Variants in SYTL5 observed in about 807,000 individuals in gnomAD.
SYTL5 encodes synaptotagmin like 5, also known as synaptotagmin-like protein 5.
SYTL5 carries 34 observed loss-of-function variants against 55.9 expected under a neutral mutation model. The ratio of observed to expected loss-of-function variants is 0.61; its 90% CI spans 0.46 to 0.81. SYTL5 has a LOEUF of 0.81. Ranked by LOEUF, SYTL5 falls within the 30% of genes least tolerant of loss-of-function variation. The probability of loss-of-function intolerance (pLI) is 0.00; values close to 1 mark genes in which losing one functional copy is unlikely to be tolerated. For missense variants in SYTL5, 637 were observed against 546.7 expected, an observed-to-expected ratio of 1.17 and a Z score of -1.65; for synonymous variants, 221 against 188.7, an observed-to-expected ratio of 1.17 and a Z score of -1.40.
the SYTL5 span, among the ~76,000 whole-genome samples, chrX:37,918,100 C>G: frequency 9.0e-5 from 10 of 111,143 alleles, no homozygotes; most frequent in African/African-American, 3.3e-4. Context: ...TTTTATGGCC[C>G]CAATTGTCTC....
the SYTL5 span, among the ~76,000 whole-genome samples, chrX:37,995,565 G>C: frequency 1.8e-5 from 2 of 112,110 alleles, no homozygotes; most frequent in African/African-American, 6.5e-5. Context: ...TTTCTCCTCT[G>C]TGCATTTGAG....
the SYTL5 span, among the ~76,000 whole-genome samples, chrX:37,915,688 T>G: frequency 1.8e-5 from 2 of 111,889 alleles, no homozygotes; most frequent in African/African-American, 6.5e-5. Flanking sequence ...GTTGCTTACA[T>G]TCATACTTGC....
chrX:38,115,210 C>A (rs868813189), intron 13 of SYTL5, among the ~76,000 whole-genome samples: 1 of 104,974 alleles, frequency 9.5e-6, no homozygotes, highest in Middle Eastern at 5.1e-3. Context: ...TCAGGCCGGG[C>A]GCGGTGGCTC....
the SYTL5 span, among the ~76,000 whole-genome samples, chrX:37,972,796 G>A: frequency 9.0e-6 from 1 of 111,533 alleles, no homozygotes; most frequent in Non-Finnish European, 1.9e-5. Context: ...CTCGAAGCGG[G>A]GGCTTCCAGG....
chrX:38,057,470 G>C (rs1180929878), intron 3 of SYTL5, among the ~76,000 whole-genome samples: 1 of 111,458 alleles, frequency 9.0e-6, no homozygotes, highest in Non-Finnish European at 1.9e-5. Context: ...TTTTGCTCAG[G>C]ACAGCTTTGG....
At chrX:38,029,898 G>A (rs1022797069) in intron 1 of SYTL5, among the ~76,000 whole-genome samples, 1 of 111,686 alleles carries the variant, frequency 9.0e-6, no homozygotes, top group Non-Finnish European at 1.9e-5. Flanking sequence ...AGAAGATTCA[G>A]TAGTTGTAAG....
chrX:38,013,500 G>A (rs1458081015), intron 1 of SYTL5, among the ~76,000 whole-genome samples: 1 of 111,338 alleles, frequency 9.0e-6, no homozygotes, highest in Non-Finnish European at 1.9e-5. Context: ...CACTTTCTGA[G>A]GATTTACCGT....
the SYTL5 span, among the ~76,000 whole-genome samples, chrX:37,902,361 C>G: frequency 8.9e-6 from 1 of 112,042 alleles, no homozygotes; most frequent in African/African-American, 3.2e-5. Context: ...TGTTTAATAT[C>G]TACTGAGGTG....
the SYTL5 span, among the ~76,000 whole-genome samples, chrX:37,997,654 G>T: frequency 4.5e-5 from 5 of 112,323 alleles, no homozygotes; most frequent in Non-Finnish European, 9.4e-5. Context: ...GCCAAGGACA[G>T]CTCAGTGCTG....
intron 2 of SYTL5, among the ~76,000 whole-genome samples, chrX:38,044,452 C>G (rs932111264): frequency 8.9e-6 from 1 of 111,919 alleles, no homozygotes; most frequent in Non-Finnish European, 1.9e-5. Context: ...TTCAGTTATA[C>G]ATTTATAAAA....
At chrX:38,123,790 A>G (rs878958036) in intron 15 of SYTL5, among the ~76,000 whole-genome samples, 1 of 112,275 alleles carries the variant, frequency 8.9e-6, no homozygotes, top group Non-Finnish European at 1.9e-5. Flanking sequence ...ACAAAAGCCA[A>G]TAACTTTCCG....
chrX:38,064,946 A>G (rs1214069040), intron 3 of SYTL5, among the ~76,000 whole-genome samples: 1 of 111,099 alleles, frequency 9.0e-6, no homozygotes, highest in Non-Finnish European at 1.9e-5. Flanking sequence ...ATTTATTTCT[A>G]TTATCATTGT....
rs747098681 is a variant in SYTL5, at chrX:38,033,770, TC to T, written c.-119del. ...CAATTCTGCAGAGACCTTGTAAAAATCACACTTTACACCAAACAACTGAGTG... is the reference window on the plus strand; with the variant it reads ...CAATTCTGCAGAGACCTTGTAAAAATACACTTTACACCAAACAACTGAGTG... On this transcript the variant is annotated 5_prime_UTR_variant, in exon 2 of 17. Coordinates refer to ENST00000297875, the MANE Select transcript of SYTL5 (RefSeq NM_138780.3). The T allele has an allele frequency of 5.3e-5, 22 of 416,816 alleles. No homozygotes were observed. Among genetic ancestry groups the T allele is most frequent in the African/African-American group, 7.4e-5 (3 of 40,565 alleles). 34.4% of individuals were successfully genotyped at this position (416,816 alleles called of 1,213,427 possible).
the SYTL5 span, among the ~76,000 whole-genome samples, chrX:37,903,341 A>G: frequency 9.4e-6 from 1 of 106,612 alleles, no homozygotes; most frequent in Non-Finnish European, 1.9e-5. Context: ...AAAATGTGGC[A>G]CATATACACC....
chrX:38,090,449 GA>G (rs1296870575), intron 7 of SYTL5, among the ~76,000 whole-genome samples: 288 of 111,872 alleles, frequency 2.6e-3, no homozygotes, highest in African/African-American at 8.8e-3. Context: ...AGTATTTGGG[GA>G]AAAATATTCT....
chrX:38,037,833 G>T (rs866055137), intron 2 of SYTL5, among the ~76,000 whole-genome samples: 1 of 105,062 alleles, frequency 9.5e-6, no homozygotes, highest in Non-Finnish European at 2.0e-5. Flanking sequence ...TAGATAGATA[G>T]ATAAAAATAT....
chrX:38,124,297 A>G (rs559045047), intron 15 of SYTL5, among the ~76,000 whole-genome samples: 39 of 112,258 alleles, frequency 3.5e-4, no homozygotes, highest in African/African-American at 1.2e-3. Context: ...TCAAATAAAA[A>G]CACAGTTTTT....
At chrX:38,023,559 G>A (rs191734113) in intron 1 of SYTL5, among the ~76,000 whole-genome samples, 30 of 111,215 alleles carry the variant, frequency 2.7e-4, no homozygotes, top group Middle Eastern at 4.7e-3. Flanking sequence ...TGTTTTAAAA[G>A]CATTTGCATT....
the SYTL5 span, among the ~76,000 whole-genome samples, chrX:37,895,423 TC>T: frequency 1.1e-5 from 1 of 88,128 alleles, no homozygotes; most frequent in African/African-American, 6.2e-5. Flanking sequence ...CTTCCTTCCT[TC>T]CTTCCTTCCT....
Sources: gnomAD v4.1 joint callset for allele counts (sites outside exome capture counted in the v4.1 genomes callset) on GRCh38, gnomAD v4.1.1 for gene constraint, MANE v1.5 for transcripts, NCBI Gene and HGNC (gene_info 2026-07-23, HGNC 2026-07-21) for gene names.